Variants in ZNRF3 observed in about 807,000 individuals in gnomAD.
ZNRF3 encodes E3 ubiquitin-protein ligase ZNRF3.
ZNRF3 carries 23 observed loss-of-function variants against 72.5 expected under a neutral mutation model. The observed-to-expected ratio is 0.32, with a 90% CI of 0.23 to 0.45. The LOEUF is 0.45. Ranked by LOEUF, ZNRF3 falls within the 20% of genes least tolerant of loss-of-function variation. ZNRF3 has a pLI of 1.00. For missense variants in ZNRF3, 1,169 were observed against 1,272.1 expected, an observed-to-expected ratio of 0.92 and a Z score of 1.23; for synonymous variants, 610 against 545.3, an observed-to-expected ratio of 1.12 and a Z score of -1.65.
At chr22:29,013,699 C>T (rs1254915297) in intron 2 of ZNRF3, among the ~76,000 whole-genome samples, 1 of 152,208 alleles carries the variant, frequency 6.6e-6, no homozygotes, top group Non-Finnish European at 1.5e-5. Context: ...TAATGAACAG[C>T]TTGACTCATT....
At chr22:28,989,644 A>G (rs1156499808) in intron 2 of ZNRF3, among the ~76,000 whole-genome samples, 2 of 152,114 alleles carry the variant, frequency 1.3e-5, no homozygotes, top group Non-Finnish European at 2.9e-5. Flanking sequence ...TGGGGGTGGG[A>G]GCTCCTTCCT....
chr22:29,046,367 T>C (rs1003214006), intron 5 of ZNRF3, among the ~76,000 whole-genome samples: 2 of 152,164 alleles, frequency 1.3e-5, no homozygotes, highest in African/African-American at 4.8e-5. Context: ...CACCACCTCC[T>C]TCAACAGAAA....
chr22:29,051,403 G>T (rs1263423577), intron 8 of ZNRF3, among the ~76,000 whole-genome samples: 3 of 152,014 alleles, frequency 2.0e-5, no homozygotes, highest in African/African-American at 7.3e-5. Context: ...CTCATGGCTG[G>T]GATATTATGT....
At chr22:29,038,965 T>TAG (rs935608948) in intron 2 of ZNRF3, among the ~76,000 whole-genome samples, 2,078 of 150,476 alleles carry the variant, frequency 0.014, 44 homozygotes, top group African/African-American at 0.043. Flanking sequence ...TATATATATA[T>TAG]AGAGAGAGAG....
At chr22:28,964,979 G>A (rs770638587) in intron 1 of ZNRF3, among the ~76,000 whole-genome samples, 3 of 152,108 alleles carry the variant, frequency 2.0e-5, no homozygotes, top group African/African-American at 4.8e-5. Context: ...GCCTTGTCTC[G>A]TATGCTTGAA....
In ZNRF3 at chr22:29,030,773, C is replaced by T. The variant is rs2036732517; in HGVS notation, c.427-11722C>T. Among the ~76,000 whole-genome samples, 1 of 150,590 alleles carries T rather than the reference C, an allele frequency of 6.6e-6. No homozygotes were observed. The highest frequency in any genetic ancestry group is 1.5e-5 in the Non-Finnish European group (1 of 67,772). ...GGAGGAGGGACCCTGCAGGGCGGTA[C>T]ACGACGGGTGGGAGTGGGGAGGAGG... On this transcript the variant is annotated intron_variant, in intron 2 of 8. Transcript: ENST00000544604. This position sits in a 1 kb window ranked among gnomAD's most constrained non-coding sequence, Gnocchi z 4.2.
At chr22:28,954,117 T>C (rs989081793) in intron 1 of ZNRF3, among the ~76,000 whole-genome samples, 1 of 152,242 alleles carries the variant, frequency 6.6e-6, no homozygotes, top group Non-Finnish European at 1.5e-5. Context: ...CTTCACAGTT[T>C]CTGCCATATC....
rs762846145 is a variant in ZNRF3, at chr22:29,046,708, C to T, written c.745-8C>T. 6.3e-7 allele frequency: 1 copy of T among 1,593,484 alleles called. No individual in the cohort carries two copies. Among genetic ancestry groups the T allele is most frequent in the Non-Finnish European group, 8.6e-7 (1 of 1,169,354 alleles). Reference sequence around the variant, plus strand: ...GGACCCTCACACAGACTACATTCTGCCCTGCAGAATTCCATGAACAGGCTG... The same window carrying T: ...GGACCCTCACACAGACTACATTCTGTCCTGCAGAATTCCATGAACAGGCTG... On this transcript the variant is annotated splice_polypyrimidine_tract_variant and splice_region_variant and intron_variant, in intron 5 of 8. Coordinates refer to ENST00000544604, the MANE Select transcript of ZNRF3 (RefSeq NM_001206998.2).
At position 29,043,348 on chromosome 22, in the gene ZNRF3, A is replaced by G. The variant is rs760886843; in HGVS notation, c.551A>G (p.Lys184Arg). 15 of 1,614,038 alleles carry G rather than the reference A, an allele frequency of 9.3e-6. No homozygotes were observed. In the South Asian group the frequency reaches 1.5e-4, roughly 17 times the overall value. ...CTCAAGAGGCCGGTGGTGTATGTGAAGGGTGCAGATGCCATTAAGCTGATG... is the reference window on the plus strand; with the variant it reads ...CTCAAGAGGCCGGTGGTGTATGTGAGGGGTGCAGATGCCATTAAGCTGATG... Reference protein sequence around the residue: ...DPLKRPVVYVKGADAIKLMNI... With the variant: ...DPLKRPVVYVRGADAIKLMNI... Residue 184 changes from lysine (K) to arginine (R), a missense_variant, in exon 4 of 9, where the codon AAG (lysine) becomes AGG (arginine). This residue lies in a region of ZNRF3 where 386 missense variants were observed against 540.7 expected (regional missense o/e 0.71). Coordinates refer to ENST00000544604, the MANE Select transcript of ZNRF3 (RefSeq NM_001206998.2).
rs57329565 is a variant in ZNRF3, at chr22:28,994,176, C to CTTTTTTTTTTTTTT, written c.426+6989_426+7002dup. On this transcript the variant is annotated intron_variant, in intron 2 of 8. Coordinates refer to ENST00000544604, the MANE Select transcript of ZNRF3 (RefSeq NM_001206998.2). ...TCCTTTATTGTCCTTCAGTTCCTTT[C>CTTTTTTTTTTTTTT]TTTTTTTTTTTTTTTTTTTTTTTTT... is the stretch of plus-strand genomic sequence containing the variant. Among the ~76,000 whole-genome samples, 291 of 39,804 alleles carry CTTTTTTTTTTTTTT rather than the reference C, an allele frequency of 7.3e-3. 37 individuals carry two copies. Among genetic ancestry groups the CTTTTTTTTTTTTTT allele is most frequent in the Middle Eastern group, 0.019 (1 of 54 alleles). 26.1% of individuals were successfully genotyped at this position (39,804 alleles called of 152,430 possible). A position where few individuals can be genotyped will look rare whatever the true frequency, so the allele number is the denominator to read the frequency against.
chr22:29,009,938 GCT>G (rs1446032849), intron 2 of ZNRF3, among the ~76,000 whole-genome samples: 1 of 124,814 alleles, frequency 8.0e-6, no homozygotes, highest in Non-Finnish European at 1.6e-5. Flanking sequence ...ACAGTGTCTC[GCT>G]CTGTTTCCCA....
chr22:28,934,293 C>T (rs2034778279), intron 1 of ZNRF3, among the ~76,000 whole-genome samples: 1 of 152,134 alleles, frequency 6.6e-6, no homozygotes, highest in South Asian at 2.1e-4. Context: ...CTCTTATTTA[C>T]TCTCAAATAC....
At chr22:28,896,762 T>C (rs2034006321) in intron 1 of ZNRF3, among the ~76,000 whole-genome samples, 1 of 152,206 alleles carries the variant, frequency 6.6e-6, no homozygotes, top group Non-Finnish European at 1.5e-5. Context: ...AAGCTTGACT[T>C]GCAAAGCTAT....
intron 1 of ZNRF3, among the ~76,000 whole-genome samples, chr22:28,985,413 C>T (rs764674345): frequency 7.9e-5 from 12 of 152,200 alleles, no homozygotes; most frequent in Non-Finnish European, 1.5e-4. Flanking sequence ...CCTGATCAGT[C>T]TAACTCTTCC....
At chr22:28,914,315 C>T (rs2034370176) in intron 1 of ZNRF3, among the ~76,000 whole-genome samples, 1 of 152,066 alleles carries the variant, frequency 6.6e-6, no homozygotes, top group South Asian at 2.1e-4. Context: ...GGTTAGTCTA[C>T]CTTGGTTAAT....
At chr22:28,890,316 C>T (rs927422599) in intron 1 of ZNRF3, among the ~76,000 whole-genome samples, 18 of 152,192 alleles carry the variant, frequency 1.2e-4, no homozygotes, top group Non-Finnish European at 1.8e-4. Context: ...CTGGCTGACA[C>T]GGTGAAACCC....
chr22:28,923,212 C>T (rs1003549120), intron 1 of ZNRF3, among the ~76,000 whole-genome samples: 1 of 152,154 alleles, frequency 6.6e-6, no homozygotes, highest in Non-Finnish European at 1.5e-5. Flanking sequence ...TGTATTTCCT[C>T]CTGGTCTGCT....
intron 2 of ZNRF3, chr22:29,031,707 C>T (rs2036760914): frequency 1.1e-6 from 1 of 885,834 alleles, no homozygotes; most frequent in Non-Finnish European, 1.4e-6. Context: ...GGCTCTCTGG[C>T]CTGGGGTAGG....
chr22:29,053,597 C>T lies in ZNRF3; in HGVS notation c.2786C>T (p.Ala929Val). The change falls in exon 9 of 9, where the codon GCA (alanine) becomes GTA (valine). Residue 929 changes from alanine (A) to valine (V), a missense_variant. Transcript: ENST00000544604. ...TEAAGPRSHS[A>V]DSSSPGA is the part of the protein sequence containing the mutation. ...TTCCCAGGACCGAGATCTCACTCAG[C>T]AGACAGCAGCAGCCCGGGAGCCTGA... The T allele has an allele frequency of 6.2e-7, 1 of 1,613,780 alleles. No homozygotes were observed. Among genetic ancestry groups the T allele is most frequent in the Non-Finnish European group, 8.5e-7 (1 of 1,179,782 alleles).
Sources: gnomAD v4.1 joint callset for allele counts (sites outside exome capture counted in the v4.1 genomes callset) on GRCh38, gnomAD v4.1.1 for gene constraint, gnomAD v4.1.1 regional missense constraint, Gnocchi (gnomAD v3.1) non-coding constraint, MANE v1.5 for transcripts, NCBI Gene and HGNC (gene_info 2026-07-23, HGNC 2026-07-21) for gene names.